Variants in CPED1 observed in about 807,000 individuals in gnomAD.
CPED1 encodes the protein cadherin like and PC-esterase domain containing 1.
In CPED1, 114 loss-of-function variants were observed where a neutral mutation model predicts 128.2. The ratio of observed to expected loss-of-function variants is 0.89; its 90% CI spans 0.76 to 1.04. CPED1 has a LOEUF of 1.04. CPED1 is among the 50% of genes least tolerant of loss of function. The probability of loss-of-function intolerance (pLI) is 0.00; values close to 1 mark genes in which losing one functional copy is unlikely to be tolerated. For missense variants in CPED1, 1,211 were observed against 1,207.1 expected (o/e 1.00, Z -0.05); for synonymous variants, 462 against 426.7 (o/e 1.08, Z -1.02).
Position 121,241,157 on chromosome 7 carries a change from A to C in CPED1, c.2174-3045A>C, listed in dbSNP as rs1272690803. On this transcript the variant is annotated intron_variant, in intron 17 of 22. Coordinates refer to ENST00000310396, the MANE Select transcript of CPED1 (RefSeq NM_024913.5). Reference sequence around the variant, plus strand: ...AGGAGATCGAGACCATCCCGGCTAAAACGGTGAAACCCCGTCTCTACTAAA... The same window carrying C: ...AGGAGATCGAGACCATCCCGGCTAACACGGTGAAACCCCGTCTCTACTAAA... Among the ~76,000 whole-genome samples the C allele has an allele frequency of 5.5e-5, 6 of 108,238 alleles. 2 individuals are homozygous for C. The highest frequency in any genetic ancestry group is 8.0e-5 in the Non-Finnish European group (4 of 49,778). The allele number at this position is 108,238 out of a possible 152,430, so 71.0% of individuals were successfully genotyped here. A position where few individuals can be genotyped will look rare whatever the true frequency, so the allele number is the denominator to read the frequency against.
intron 16 of CPED1, among the ~76,000 whole-genome samples, chr7:121,146,691 CATT>C (rs996571626): frequency 1.5e-4 from 23 of 152,186 alleles, no homozygotes; most frequent in Admixed American, 3.9e-4. Context: ...TTTTATCAAA[CATT>C]ATTAAGTACC....
chr7:121,196,986 A>G (rs1797287560), intron 16 of CPED1, among the ~76,000 whole-genome samples: 1 of 152,094 alleles, frequency 6.6e-6, no homozygotes, highest in Non-Finnish European at 1.5e-5. Flanking sequence ...AAGGATATCA[A>G]ATATAAATGT....
intron 16 of CPED1, among the ~76,000 whole-genome samples, chr7:121,212,616 T>C (rs575427254): frequency 6.6e-6 from 1 of 152,164 alleles, no homozygotes; most frequent in Admixed American, 6.6e-5. Flanking sequence ...ATCTGTTTTC[T>C]CTTCTAGAAC....
intron 2 of CPED1, among the ~76,000 whole-genome samples, chr7:120,997,278 A>G (rs1796422669): frequency 6.6e-6 from 1 of 152,252 alleles, no homozygotes; most frequent in Non-Finnish European, 1.5e-5. Flanking sequence ...TAGAACTGCA[A>G]ATAAGTTAGA....
intron 2 of CPED1, among the ~76,000 whole-genome samples, chr7:121,007,313 T>G (rs1464995625): frequency 2.0e-5 from 3 of 147,470 alleles, no homozygotes; most frequent in African/African-American, 7.5e-5. Flanking sequence ...GTTACACAGC[T>G]CTGTGTTGTA....
At chr7:121,129,334 T>TATATATAC (rs71170229) in intron 11 of CPED1, among the ~76,000 whole-genome samples, 1 of 127,856 alleles carries the variant, frequency 7.8e-6, no homozygotes, top group African/African-American at 2.9e-5. Flanking sequence ...TATATATATA[T>TATATATAC]ACGTATATAT....
intron 4 of CPED1, chr7:121,051,330 G>A (rs1428788380): frequency 4.5e-6 from 2 of 445,746 alleles, no homozygotes; most frequent in Admixed American, 3.0e-5. Flanking sequence ...TTTTAAGAAG[G>A]AGGGAATCCC....
At position 121,008,780 on chromosome 7, in the gene CPED1, G is replaced by T. The variant is rs1006916184; in HGVS notation, c.250-6885G>T. Among the ~76,000 whole-genome samples, 4 of 151,996 alleles carry T rather than the reference G, an allele frequency of 2.6e-5. No homozygotes were observed. The East Asian group carries it at 7.7e-4, about 29-fold the overall frequency. On this transcript the variant is annotated intron_variant, in intron 2 of 22. Transcript: ENST00000310396. ...CAAAACACTAGCCCTCCTAGTGAGG[G>T]CTAGAACCTGGATAGGGTGCTTCAC...
intron 8 of CPED1, among the ~76,000 whole-genome samples, chr7:121,124,742 G>A (rs1224289295): frequency 2.0e-5 from 3 of 152,084 alleles, no homozygotes; most frequent in African/African-American, 7.2e-5. Context: ...AATTGCAGCC[G>A]CCTTTTCAAG....
chr7:121,295,187 A>G (rs941590457), intron 22 of CPED1, among the ~76,000 whole-genome samples: 9 of 151,958 alleles, frequency 5.9e-5, no homozygotes, highest in Non-Finnish European at 1.0e-4. Flanking sequence ...AGACTAGAAG[A>G]TAAATCATCT....
chr7:121,254,909 TAAAAA>T, intron 18 of CPED1, among the ~76,000 whole-genome samples: 1 of 147,246 alleles, frequency 6.8e-6, no homozygotes, highest in South Asian at 2.1e-4. Flanking sequence ...AATCAGTAAT[TAAAAA>T]AAAAAACATA....
At chr7:121,096,427 C>G (rs992341044) in intron 5 of CPED1, among the ~76,000 whole-genome samples, 4 of 152,104 alleles carry the variant, frequency 2.6e-5, no homozygotes, top group Non-Finnish European at 5.9e-5. Flanking sequence ...AAATAAAGCA[C>G]TGTGACCTGG....
chr7:121,104,281 G>T (rs1380898495), intron 7 of CPED1, among the ~76,000 whole-genome samples: 1 of 151,944 alleles, frequency 6.6e-6, no homozygotes, highest in Non-Finnish European at 1.5e-5. Context: ...ATAAATTCAC[G>T]AGTAAAATTC....
intron 22 of CPED1, among the ~76,000 whole-genome samples, chr7:121,284,350 A>G (rs560298078): frequency 1.6e-4 from 24 of 152,296 alleles, no homozygotes; most frequent in Admixed American, 1.6e-3. Flanking sequence ...CAGCCAAACC[A>G]TATCATTCTG....
chr7:121,231,845 C>CA (rs1798147654), intron 16 of CPED1, among the ~76,000 whole-genome samples: 5 of 152,190 alleles, frequency 3.3e-5, no homozygotes, highest in Middle Eastern at 6.8e-3. Flanking sequence ...TTTAAAATTA[C>CA]AGATGGAGCA....
intron 16 of CPED1, among the ~76,000 whole-genome samples, chr7:121,157,708 T>A (rs769771154): frequency 2.0e-5 from 3 of 152,130 alleles, no homozygotes; most frequent in African/African-American, 7.2e-5. Flanking sequence ...TGAGAACCCA[T>A]GAATCAGGTA....
At chr7:121,097,917 G>T in intron 6 of CPED1, 86 bp downstream of exon 6, 1 of 1,291,414 alleles carries the variant, frequency 7.7e-7, no homozygotes, top group South Asian at 1.6e-5. Context: ...GATATGGGGG[G>T]TTCACATGTG....
At chr7:120,999,220 T>C (rs1483070818) in intron 2 of CPED1, among the ~76,000 whole-genome samples, 1 of 152,188 alleles carries the variant, frequency 6.6e-6, no homozygotes, top group Non-Finnish European at 1.5e-5. Context: ...TGTACAAGTA[T>C]CCCTTGATCT....
chr7:121,107,702 A>T (rs895932340), intron 7 of CPED1, among the ~76,000 whole-genome samples: 1 of 152,100 alleles, frequency 6.6e-6, no homozygotes, highest in African/African-American at 2.4e-5. Flanking sequence ...AAGTTAAATG[A>T]TTTTTACACT....
Sources: allele counts gnomAD v4.1 joint callset (sites outside exome capture counted in the v4.1 genomes callset), GRCh38; gene constraint gnomAD v4.1.1; transcripts MANE v1.5; gene names NCBI Gene and HGNC (gene_info 2026-07-23, HGNC 2026-07-21).